NOSIP: variants seen among roughly 807,000 people sequenced by gnomAD.
NOSIP encodes nitric oxide synthase-interacting protein.
NOSIP carries 25 observed loss-of-function variants against 36.4 expected under a neutral mutation model. The ratio of observed to expected loss-of-function variants is 0.69; its 90% CI spans 0.50 to 0.96. NOSIP has a LOEUF of 0.96. Ranked by LOEUF, NOSIP falls within the 40% of genes least tolerant of loss-of-function variation. The pLI, the probability that NOSIP is intolerant of heterozygous loss-of-function variation, is 0.00. For missense variants in NOSIP, 370 were observed against 429.0 expected (o/e 0.86, Z 1.21); for synonymous variants, 187 against 179.2 (o/e 1.04, Z -0.35).
intron 4 of NOSIP, 49 bp downstream of exon 4, chr19:49,558,848 A>T: frequency 2.7e-6 from 4 of 1,469,888 alleles, no homozygotes; most frequent in Non-Finnish European, 3.8e-6. Flanking sequence ...GTGAGCTCAG[A>T]CTCAAAAGCT....
At chr19:49,557,831 C>A in intron 4 of NOSIP, 1 of 987,914 alleles carries the variant, frequency 1.0e-6, no homozygotes, top group African/African-American at 1.7e-5. Flanking sequence ...CAGTTCCAGA[C>A]CACCCTGGGC....
At chr19:49,579,022 A>G (rs1487090057) in intron 1 of NOSIP, 4 of 152,220 alleles carry the variant, frequency 2.6e-5, no homozygotes, top group Admixed American at 2.0e-4. Context: ...GGGATGATCA[A>G]CTGAACTAGA....
chr19:49,565,283 AAGTC>A (rs1417839285), intron 1 of NOSIP, among the ~76,000 whole-genome samples: 1 of 151,332 alleles, frequency 6.6e-6, no homozygotes, highest in Middle Eastern at 3.2e-3. Context: ...AAAAAAAAAA[AAGTC>A]AGGTGCCTTT....
intron 1 of NOSIP, among the ~76,000 whole-genome samples, chr19:49,563,897 T>C (rs1349417434): frequency 6.6e-6 from 1 of 152,188 alleles, no homozygotes; most frequent in Non-Finnish European, 1.5e-5. Flanking sequence ...TCCTAGGCTA[T>C]AAGAGTCCAA....
intron 1 of NOSIP, among the ~76,000 whole-genome samples, chr19:49,564,545 A>G (rs993506623): frequency 1.2e-4 from 18 of 151,850 alleles, no homozygotes; most frequent in African/African-American, 3.9e-4. Context: ...AGAGGGGTGC[A>G]GGCGAGGACA....
rs541728959 is a variant in NOSIP at position 49,564,944 on chromosome 19, T to C, written c.-1-4252A>G. Among the ~76,000 whole-genome samples, 46 of 152,260 alleles carry C rather than the reference T, an allele frequency of 3.0e-4. 1 individual carries two copies. The South Asian group carries it at 9.3e-3, about 31-fold the overall frequency. On this transcript the variant is annotated intron_variant, in intron 1 of 8. Transcript: ENST00000596358. ...AAAACTTACTGTATGATCCCATTCATGTGACGTTCAAAAACTCACAAAGTA... is the reference window on the plus strand; with the variant it reads ...AAAACTTACTGTATGATCCCATTCACGTGACGTTCAAAAACTCACAAAGTA...
intron 1 of NOSIP, among the ~76,000 whole-genome samples, chr19:49,577,329 C>T (rs985868421): frequency 3.9e-5 from 6 of 152,080 alleles, no homozygotes; most frequent in Non-Finnish European, 7.3e-5. Flanking sequence ...GAGGCCAAAG[C>T]GGGCGGATCA....
At chr19:49,578,140 T>C (rs2122207588) in intron 1 of NOSIP, among the ~76,000 whole-genome samples, 1 of 152,264 alleles carries the variant, frequency 6.6e-6, no homozygotes, top group East Asian at 1.9e-4. Flanking sequence ...CTTTTTTTTT[T>C]TGAGAGGGAG....
intron 1 of NOSIP, among the ~76,000 whole-genome samples, chr19:49,570,344 A>C (rs2080468435): frequency 6.6e-6 from 1 of 152,098 alleles, no homozygotes; most frequent in African/African-American, 2.4e-5. Context: ...CTTGAAACAC[A>C]AACCTCTGGG....
intron 1 of NOSIP, among the ~76,000 whole-genome samples, chr19:49,564,589 G>A (rs1733777458): frequency 6.6e-6 from 1 of 152,074 alleles, no homozygotes; most frequent in Non-Finnish European, 1.5e-5. Context: ...ACTGCTCAGG[G>A]GAGTGCAGAC....
chr19:49,560,631 T>C lies in NOSIP; in HGVS notation c.61A>G (p.Lys21Glu), dbSNP rs762823521. 1.3e-5 allele frequency: 20 copies of C among 1,590,412 alleles called. No individual in the cohort carries two copies. The highest frequency in any genetic ancestry group is 2.3e-5 in the East Asian group (1 of 44,134). Reference protein sequence around the residue: ...GAVYTYHEKKKDTAASGYGTQ... With the variant: ...GAVYTYHEKKEDTAASGYGTQ... The stretch of plus-strand genomic sequence containing the variant: ...CACCCCAGCCCTGCACCTGTGTCCT[T>C]CTTCTTCTCGTGGTAGGTGTAGACG... Residue 21 changes from lysine (K) to glutamate (E), a missense_variant, in exon 2 of 9, where the codon AAG (lysine) becomes GAG (glutamate). This residue lies in a region of NOSIP where 37 missense variants were observed against 60.2 expected (regional missense o/e 0.61). Coordinates refer to ENST00000596358, the MANE Select transcript of NOSIP (RefSeq NM_001270960.2). This position sits in a 1 kb window ranked among gnomAD's most constrained non-coding sequence, Gnocchi z 4.6.
At chr19:49,578,888 G>A (rs936031842) in intron 1 of NOSIP, among the ~76,000 whole-genome samples, 5 of 151,740 alleles carry the variant, frequency 3.3e-5, no homozygotes, top group Non-Finnish European at 7.4e-5. Context: ...CTCCCAAAGT[G>A]CTGGGATTAC....
At chr19:49,557,840 G>A in intron 4 of NOSIP, 1 of 988,220 alleles carries the variant, frequency 1.0e-6, no homozygotes, top group Non-Finnish European at 1.2e-6. Flanking sequence ...ACCACCCTGG[G>A]CCACCCAGCT....
chr19:49,558,792 C>T (rs1432391194), intron 4 of NOSIP, 105 bp downstream of exon 4: 5 of 925,126 alleles, frequency 5.4e-6, no homozygotes, highest in Non-Finnish European at 8.9e-6. Flanking sequence ...GAATGGTGTA[C>T]CAGGCAGAGG....
At chr19:49,572,889 G>C (rs955717821) in intron 1 of NOSIP, among the ~76,000 whole-genome samples, 1 of 147,296 alleles carries the variant, frequency 6.8e-6, no homozygotes, top group Non-Finnish European at 1.5e-5. Flanking sequence ...CAGGAGAATC[G>C]CTTGAACCTG....
At chr19:49,569,569 G>A (rs2080458520) in intron 1 of NOSIP, among the ~76,000 whole-genome samples, 1 of 149,984 alleles carries the variant, frequency 6.7e-6, no homozygotes, top group Non-Finnish European at 1.5e-5. Context: ...CACTTTAGGA[G>A]GCCGAGGTGG....
At chr19:49,571,235 C>T (rs2080480276) in intron 1 of NOSIP, among the ~76,000 whole-genome samples, 1 of 151,704 alleles carries the variant, frequency 6.6e-6, no homozygotes, top group South Asian at 2.1e-4. Context: ...ATCCGCCCAC[C>T]TCAGCCTCCC....
At chr19:49,558,037 G>T in intron 4 of NOSIP, 3 of 617,002 alleles carry the variant, frequency 4.9e-6, no homozygotes, top group Non-Finnish European at 4.1e-6. Flanking sequence ...CAGACCCACT[G>T]TGCCTCAAAC....
intron 1 of NOSIP, among the ~76,000 whole-genome samples, chr19:49,569,786 G>C (rs2080461420): frequency 6.8e-6 from 1 of 147,776 alleles, no homozygotes; most frequent in Admixed American, 6.7e-5. Context: ...CCAGCCTGGG[G>C]GACAAGAGTG....
Sources: gnomAD v4.1 joint callset for allele counts (sites outside exome capture counted in the v4.1 genomes callset) on GRCh38, gnomAD v4.1.1 for gene constraint, gnomAD v4.1.1 regional missense constraint, Gnocchi (gnomAD v3.1) non-coding constraint, MANE v1.5 for transcripts, NCBI Gene and HGNC (gene_info 2026-07-23, HGNC 2026-07-21) for gene names.